Variants in PAFAH1B1 observed in about 807,000 individuals in gnomAD.
The protein encoded by PAFAH1B1 is platelet activating factor acetylhydrolase 1b regulatory subunit 1.
Under a neutral mutation model 57.5 loss-of-function variants are expected in PAFAH1B1, and 2 were observed. That is an observed-to-expected ratio of 0.03 (90% CI 0.01 to 0.11). The LOEUF (loss-of-function observed/expected upper bound fraction) is 0.11. Among genes scored for constraint, PAFAH1B1 ranks in the 10% least tolerant of loss-of-function variants. PAFAH1B1 has a pLI of 1.00. For missense variants in PAFAH1B1, 257 were observed against 512.0 expected, an observed-to-expected ratio of 0.50 and a Z score of 4.81; for synonymous variants, 152 against 169.6, an observed-to-expected ratio of 0.90 and a Z score of 0.81.
chr17:2,663,946 G>C (rs1296104371), intron 2 of PAFAH1B1, among the ~76,000 whole-genome samples: 8 of 151,920 alleles, frequency 5.3e-5, no homozygotes, highest in African/African-American at 9.7e-5. Flanking sequence ...GCCCACCTCG[G>C]GCTCCCAAAG....
intron 1 of PAFAH1B1, among the ~76,000 whole-genome samples, chr17:2,630,394 C>G (rs954365251): frequency 3.9e-5 from 6 of 152,122 alleles, no homozygotes; most frequent in African/African-American, 1.2e-4. Context: ...ATATAAAATT[C>G]TTGGCTGATA....
At chr17:2,663,369 T>C (rs759731680) in intron 2 of PAFAH1B1, among the ~76,000 whole-genome samples, 2 of 152,030 alleles carry the variant, frequency 1.3e-5, no homozygotes, top group Non-Finnish European at 2.9e-5. Flanking sequence ...ACCAAGAGTT[T>C]TGTGGGTTTT....
chr17:2,641,039 G>T (rs553063858), intron 2 of PAFAH1B1: 29 of 152,224 alleles, frequency 1.9e-4, no homozygotes, highest in Non-Finnish European at 5.9e-5. Context: ...GTTATAGAGT[G>T]ATGGTTTTCA....
chr17:2,646,117 TAAAG>T, intron 2 of PAFAH1B1, among the ~76,000 whole-genome samples: 1 of 151,970 alleles, frequency 6.6e-6, no homozygotes, highest in East Asian at 1.9e-4. Context: ...AAAATAAGTC[TAAAG>T]AAAGCAGGAA....
At chr17:2,611,804 C>T (rs1485843591) in intron 1 of PAFAH1B1, among the ~76,000 whole-genome samples, 1 of 152,106 alleles carries the variant, frequency 6.6e-6, no homozygotes. Flanking sequence ...ACACAATGAA[C>T]AGTGTGTCAA....
chr17:2,637,879 T>A (rs1567540266), intron 1 of PAFAH1B1, among the ~76,000 whole-genome samples: 1 of 152,352 alleles, frequency 6.6e-6, no homozygotes, highest in African/African-American at 2.4e-5. Flanking sequence ...TATGTTAAAT[T>A]TAAAAGTAAT....
intron 8 of PAFAH1B1, among the ~76,000 whole-genome samples, chr17:2,674,632 A>C (rs1407762448): frequency 6.6e-6 from 1 of 152,224 alleles, no homozygotes; most frequent in Non-Finnish European, 1.5e-5. Flanking sequence ...TTCATTAATG[A>C]AGATAATGAT....
intron 1 of PAFAH1B1, among the ~76,000 whole-genome samples, chr17:2,618,898 T>G (rs2068381729): frequency 7.3e-6 from 1 of 136,400 alleles, no homozygotes; most frequent in African/African-American, 2.8e-5. Flanking sequence ...GAGACTGCAG[T>G]GAGCCGAGAT....
intron 1 of PAFAH1B1, among the ~76,000 whole-genome samples, chr17:2,612,037 A>G (rs1017983465): frequency 2.0e-5 from 3 of 152,116 alleles, no homozygotes; most frequent in Non-Finnish European, 2.9e-5. Context: ...ATTGATAGCT[A>G]TTAGGTTGAA....
At chr17:2,661,244 A>C (rs760670848) in intron 2 of PAFAH1B1, among the ~76,000 whole-genome samples, 1 of 152,126 alleles carries the variant, frequency 6.6e-6, no homozygotes, top group Non-Finnish European at 1.5e-5. Context: ...ATCTTTGCCC[A>C]TGCCTGAATG....
chr17:2,594,035 C>A, intron 1 of PAFAH1B1, 29 bp downstream of exon 1: 1 of 398,390 alleles, frequency 2.5e-6, no homozygotes. Flanking sequence ...GCGCCCTCCC[C>A]TCTGTCTCCT....
chr17:2,646,539 A>G (rs1278008754), intron 2 of PAFAH1B1, among the ~76,000 whole-genome samples: 1 of 152,106 alleles, frequency 6.6e-6, no homozygotes, highest in Non-Finnish European at 1.5e-5. Flanking sequence ...TGTAATCCCC[A>G]CTACTCAGGA....
chr17:2,655,602 C>T (rs1167474713), intron 2 of PAFAH1B1, among the ~76,000 whole-genome samples: 3 of 152,068 alleles, frequency 2.0e-5, no homozygotes, highest in Non-Finnish European at 4.4e-5. Context: ...GAGATTGTGC[C>T]ACAGCCCTCC....
At chr17:2,622,204 C>G (rs1441893118) in intron 1 of PAFAH1B1, among the ~76,000 whole-genome samples, 1 of 152,090 alleles carries the variant, frequency 6.6e-6, no homozygotes, top group East Asian at 1.9e-4. Flanking sequence ...ATCTCATGTC[C>G]TCCCTTTCAA....
At chr17:2,642,484 C>T (rs925362997) in intron 2 of PAFAH1B1, 21 of 152,140 alleles carry the variant, frequency 1.4e-4, no homozygotes, top group African/African-American at 3.6e-4. Context: ...AAATGAATTT[C>T]GTGTTTAGAC....
intron 2 of PAFAH1B1, among the ~76,000 whole-genome samples, chr17:2,649,194 G>C (rs1345867255): frequency 1.4e-5 from 2 of 146,170 alleles, no homozygotes; most frequent in African/African-American, 5.1e-5. Context: ...TCCAGCCTGG[G>C]CAACAAAGCA....
At chr17:2,638,478 C>T (rs2068651997) in intron 2 of PAFAH1B1, 158 bp downstream of exon 2, 2 of 654,426 alleles carry the variant, frequency 3.1e-6, no homozygotes, top group East Asian at 2.8e-5. Flanking sequence ...TTAAAACAGT[C>T]TTATTATGAT....
rs568932476 is a variant in PAFAH1B1, at chr17:2,683,650, A to C, written c.*1848A>C. The C allele has an allele frequency of 1.1e-4, 17 of 152,702 alleles. No individual in the cohort carries two copies. The highest frequency in any genetic ancestry group is 3.8e-4 in the African/African-American group (16 of 41,566). 9.5% of individuals were successfully genotyped at this position (152,702 alleles called of 1,614,324 possible). A position where few individuals can be genotyped will look rare whatever the true frequency, so the allele number is the denominator to read the frequency against. The stretch of plus-strand genomic sequence containing the variant: ...AACTAATGGCTATTTTTGAGGACAA[A>C]AATTACATCTTAAGCTAATTCCTTA... On this transcript the variant is annotated 3_prime_UTR_variant, in exon 11 of 11. Transcript: ENST00000397195.
intron 1 of PAFAH1B1, among the ~76,000 whole-genome samples, chr17:2,600,266 G>A (rs535554078): frequency 3.3e-5 from 5 of 151,178 alleles, no homozygotes; most frequent in African/African-American, 1.2e-4. Context: ...TTAATCTAAG[G>A]TAAAGATAGA....
Sources: allele counts gnomAD v4.1 joint callset (sites outside exome capture counted in the v4.1 genomes callset), GRCh38; gene constraint gnomAD v4.1.1; transcripts MANE v1.5; gene names NCBI Gene and HGNC (gene_info 2026-07-23, HGNC 2026-07-21).